SUMF1: variants seen among roughly 807,000 people sequenced by gnomAD.
SUMF1 encodes the protein sulfatase modifying factor 1, also known as formylglycine-generating enzyme.
In SUMF1, 48 loss-of-function variants were observed where a neutral mutation model predicts 47.6. The ratio of observed to expected loss-of-function variants is 1.01; its 90% confidence interval spans 0.80 to 1.28. The LOEUF is 1.28. Ranked by LOEUF, SUMF1 falls within the 50% of genes most tolerant of loss-of-function variation. The pLI is 0.00. For missense variants in SUMF1, 571 were observed against 485.4 expected, an observed-to-expected ratio of 1.18 and a Z score of -1.66; for synonymous variants, 230 against 192.1, an observed-to-expected ratio of 1.20 and a Z score of -1.63.
At chr3:4,091,100 A>AC (rs1692777135) in intron 8 of SUMF1, among the ~76,000 whole-genome samples, 1 of 152,088 alleles carries the variant, frequency 6.6e-6, no homozygotes, top group African/African-American at 2.4e-5. Flanking sequence ...CAACAACAAA[A>AC]AAAAAAACAA....
At chr3:4,227,268 T>C (rs1249010548) in intron 8 of SUMF1, among the ~76,000 whole-genome samples, 8 of 152,172 alleles carry the variant, frequency 5.3e-5, no homozygotes, top group Non-Finnish European at 1.0e-4. Flanking sequence ...GCTCCTACTA[T>C]GTGCCTGCAA....
chr3:4,214,584 C>A (rs144325151), intron 8 of SUMF1, among the ~76,000 whole-genome samples: 1 of 151,878 alleles, frequency 6.6e-6, no homozygotes, highest in Non-Finnish European at 1.5e-5. Flanking sequence ...GACAGAGACA[C>A]GAAAAACCCT....
In SUMF1 at chr3:4,362,270, G is replaced by C; in HGVS notation, c.1015-16C>G. On this transcript the variant is annotated splice_polypyrimidine_tract_variant and intron_variant, in intron 8 of 8. Coordinates refer to ENST00000272902, the MANE Select transcript of SUMF1 (RefSeq NM_182760.4). ...AACAATAAGACTGTGTAGAGAGAAAGAGCAAGGTAAGTGCTACTGGGACTC... is the reference window on the plus strand; with the variant it reads ...AACAATAAGACTGTGTAGAGAGAAACAGCAAGGTAAGTGCTACTGGGACTC... 1 of 1,610,444 alleles carries C rather than the reference G, an allele frequency of 6.2e-7. No homozygotes were observed. Among genetic ancestry groups the C allele is most frequent in the Non-Finnish European group, 8.5e-7 (1 of 1,176,808 alleles).
At chr3:4,322,667 A>G (rs1470863250) in intron 8 of SUMF1, among the ~76,000 whole-genome samples, 3 of 152,048 alleles carry the variant, frequency 2.0e-5, no homozygotes, top group Admixed American at 6.6e-5. Context: ...TATAAAAAAA[A>G]AAAAAGAAAG....
chr3:4,368,518 C>T (rs886144599), intron 8 of SUMF1, among the ~76,000 whole-genome samples: 3 of 152,024 alleles, frequency 2.0e-5, no homozygotes, highest in Admixed American at 1.3e-4. Context: ...AATCATGCTG[C>T]TATAAAGACA....
intron 8 of SUMF1, among the ~76,000 whole-genome samples, chr3:4,365,672 T>A (rs556014846): frequency 5.4e-4 from 79 of 146,882 alleles, no homozygotes; most frequent in African/African-American, 1.9e-3. Flanking sequence ...CTTTATCCAA[T>A]TTGCCAGTCT....
At chr3:4,035,288 G>A (rs550017402) in intron 9 of SUMF1, among the ~76,000 whole-genome samples, 3 of 152,208 alleles carry the variant, frequency 2.0e-5, no homozygotes, top group African/African-American at 4.8e-5. Flanking sequence ...GTGTTGGTAG[G>A]GCTAGATTCC....
chr3:4,285,978 A>C (rs1328545430), intron 8 of SUMF1, among the ~76,000 whole-genome samples: 3 of 152,138 alleles, frequency 2.0e-5, no homozygotes, highest in Non-Finnish European at 4.4e-5. Context: ...ACCAAGCAAG[A>C]AATTAGAAAT....
chr3:4,444,038 A>G (rs1702697173), intron 3 of SUMF1, among the ~76,000 whole-genome samples: 1 of 152,210 alleles, frequency 6.6e-6, no homozygotes, highest in African/African-American at 2.4e-5. Context: ...ATCACTGGAT[A>G]CTAAAGAACA....
chr3:4,319,944 G>C (rs539202593), intron 8 of SUMF1, among the ~76,000 whole-genome samples: 22 of 152,274 alleles, frequency 1.4e-4, no homozygotes, highest in African/African-American at 5.3e-4. Flanking sequence ...TGACACTCTG[G>C]AAAAGACAAA....
At chr3:4,367,475 G>GA (rs1700015709) in intron 8 of SUMF1, among the ~76,000 whole-genome samples, 1 of 151,806 alleles carries the variant, frequency 6.6e-6, no homozygotes, top group South Asian at 2.1e-4. Flanking sequence ...CACAGAATTG[G>GA]AAAAAACTAC....
At chr3:4,133,270 G>T (rs746273474) in intron 8 of SUMF1, among the ~76,000 whole-genome samples, 2 of 152,110 alleles carry the variant, frequency 1.3e-5, no homozygotes, top group Non-Finnish European at 2.9e-5. Flanking sequence ...TTATGTAATA[G>T]TATTTGGGTT....
chr3:4,434,187 T>C (rs1208296096), intron 3 of SUMF1, among the ~76,000 whole-genome samples: 1 of 152,132 alleles, frequency 6.6e-6, no homozygotes, highest in African/African-American at 2.4e-5. Flanking sequence ...GTTCTGGAAA[T>C]GCATAATGTT....
At chr3:4,216,794 C>T (rs1361057802) in intron 8 of SUMF1, among the ~76,000 whole-genome samples, 1 of 152,126 alleles carries the variant, frequency 6.6e-6, no homozygotes, top group Non-Finnish European at 1.5e-5. Flanking sequence ...CAGAGAAACG[C>T]AAATCAAAAC....
chr3:4,358,347 G>A (rs1623583), downstream of SUMF1, among the ~76,000 whole-genome samples: 56,076 of 152,010 alleles, frequency 0.37, 12,433 homozygotes, highest in African/African-American at 0.62. Flanking sequence ...AACTCTAGAT[G>A]TAAGAGTTCC....
chr3:4,084,355 G>A (rs1692629166), intron 8 of SUMF1, among the ~76,000 whole-genome samples: 1 of 152,106 alleles, frequency 6.6e-6, no homozygotes, highest in Non-Finnish European at 1.5e-5. Context: ...TTCCCAAAAT[G>A]TCAATAACAA....
At chr3:4,186,655 T>G (rs1695207185) in intron 8 of SUMF1, among the ~76,000 whole-genome samples, 1 of 152,168 alleles carries the variant, frequency 6.6e-6, no homozygotes, top group South Asian at 2.1e-4. Context: ...TGGGTGTTCA[T>G]AAGCAGTATT....
intron 8 of SUMF1, among the ~76,000 whole-genome samples, chr3:4,127,787 G>T (rs1693689638): frequency 6.6e-6 from 1 of 152,116 alleles, no homozygotes; most frequent in Admixed American, 6.6e-5. Context: ...ATAAAGGATG[G>T]AGTTCTTTCA....
At chr3:4,079,985 C>G (rs1031893777) in intron 8 of SUMF1, among the ~76,000 whole-genome samples, 13 of 151,868 alleles carry the variant, frequency 8.6e-5, no homozygotes, top group African/African-American at 3.1e-4. Context: ...CAAAGCACTG[C>G]TCTCTGGACT....
Sources: allele counts gnomAD v4.1 joint callset (sites outside exome capture counted in the v4.1 genomes callset), GRCh38; gene constraint gnomAD v4.1.1; transcripts MANE v1.5; gene names NCBI Gene and HGNC (gene_info 2026-07-23, HGNC 2026-07-21).